ATXN1: variants seen among roughly 807,000 people sequenced by gnomAD.
ATXN1 encodes ataxin 1.
ATXN1 carries 8 observed loss-of-function variants against 56.4 expected under a neutral mutation model. The ratio of observed to expected loss-of-function variants is 0.14; its 90% CI spans 0.08 to 0.26. The LOEUF is 0.26. ATXN1 is among the 10% of genes least tolerant of loss of function. ATXN1 has a pLI of 1.00. For synonymous variants in ATXN1, 514 were observed against 494.6 expected, an observed-to-expected ratio of 1.04 and a Z score of -0.52; for missense variants, 987 against 1,106.5, an observed-to-expected ratio of 0.89 and a Z score of 1.53.
chr6:16,638,413 T>G (rs964859203), intron 3 of ATXN1, among the ~76,000 whole-genome samples: 1 of 134,452 alleles, frequency 7.4e-6, no homozygotes, highest in Non-Finnish European at 1.5e-5. Flanking sequence ...AACACTGCAA[T>G]CCAGCCTGGA....
intron 6 of ATXN1, among the ~76,000 whole-genome samples, chr6:16,341,214 T>C (rs1761238601): frequency 6.6e-6 from 1 of 152,346 alleles, no homozygotes; most frequent in Admixed American, 6.5e-5. Flanking sequence ...GGGACACTAC[T>C]GGTTTCACTG....
chr6:16,379,177 A>G (rs184799475), intron 6 of ATXN1, among the ~76,000 whole-genome samples: 25 of 152,336 alleles, frequency 1.6e-4, no homozygotes, highest in African/African-American at 4.3e-4. Flanking sequence ...ACCAAACATC[A>G]TATGTTCTCA....
chr6:16,448,898 A>G (rs2035571209), intron 6 of ATXN1, among the ~76,000 whole-genome samples: 1 of 152,202 alleles, frequency 6.6e-6, no homozygotes, highest in South Asian at 2.1e-4. Context: ...CTACATCTTC[A>G]AGATTTGCCA....
chr6:16,450,788 C>T (rs576312090), intron 6 of ATXN1, among the ~76,000 whole-genome samples: 5 of 152,280 alleles, frequency 3.3e-5, no homozygotes, highest in African/African-American at 1.2e-4. Context: ...TGGGAAAGGA[C>T]CTTCTAGGTG....
intron 5 of ATXN1, among the ~76,000 whole-genome samples, chr6:16,497,789 G>T (rs1254308413): frequency 2.0e-5 from 3 of 152,264 alleles, no homozygotes; most frequent in African/African-American, 7.2e-5. Flanking sequence ...TTCCAGGTCA[G>T]GTGTAGAATC....
intron 6 of ATXN1, among the ~76,000 whole-genome samples, chr6:16,393,285 CT>C (rs1324816902): frequency 6.6e-6 from 1 of 151,766 alleles, no homozygotes; most frequent in African/African-American, 2.4e-5. Context: ...GAGACAGGGT[CT>C]TTCTGGGTTA....
At chr6:16,431,079 T>C (rs1382079677) in intron 6 of ATXN1, among the ~76,000 whole-genome samples, 1 of 152,044 alleles carries the variant, frequency 6.6e-6, no homozygotes, top group African/African-American at 2.4e-5. Flanking sequence ...GCAGCCCGCC[T>C]CCATGTTTTC....
chr6:16,402,783 G>A (rs1412805276), intron 6 of ATXN1, among the ~76,000 whole-genome samples: 2 of 152,186 alleles, frequency 1.3e-5, no homozygotes, highest in Non-Finnish European at 2.9e-5. Flanking sequence ...TTGTCTCACT[G>A]TTGCAGAAAA....
intron 6 of ATXN1, among the ~76,000 whole-genome samples, chr6:16,454,035 TCAGA>T (rs996929288): frequency 4.3e-4 from 60 of 140,648 alleles, no homozygotes; most frequent in African/African-American, 1.6e-3. Flanking sequence ...TTCCAGCTAC[TCAGA>T]CAATCGCTTG....
In ATXN1 at chr6:16,614,751, C is replaced by T. The variant is rs149564996; in HGVS notation, c.-488-28844G>A. Among the ~76,000 whole-genome samples the T allele has an allele frequency of 1.5e-3, 234 of 151,376 alleles. 3 individuals carry two copies. The highest frequency in any genetic ancestry group is 5.6e-3 in the African/African-American group (230 of 41,126). ...CAGCCTGGCGAACATGGTGAAACTC[C>T]GTCTCTACTAAAAATACAAAAATTA... On this transcript the variant is annotated intron_variant, in intron 3 of 7. Transcript: ENST00000436367.
chr6:16,512,082 T>C (rs951856311), intron 5 of ATXN1, among the ~76,000 whole-genome samples: 5 of 152,210 alleles, frequency 3.3e-5, no homozygotes, highest in African/African-American at 9.6e-5. Flanking sequence ...CAGGTGTTAG[T>C]TGGCAACAGA....
chr6:16,440,480 A>G (rs1421502761), intron 6 of ATXN1, among the ~76,000 whole-genome samples: 1 of 151,616 alleles, frequency 6.6e-6, no homozygotes, highest in Non-Finnish European at 1.5e-5. Flanking sequence ...TGAAGACCAA[A>G]TAAGAAGGAA....
intron 5 of ATXN1, among the ~76,000 whole-genome samples, chr6:16,499,821 C>T (rs1760849244): frequency 6.6e-6 from 1 of 152,202 alleles, no homozygotes; most frequent in Non-Finnish European, 1.5e-5. Context: ...ATCATCAATT[C>T]AGCCAATGCA....
intron 1 of ATXN1, among the ~76,000 whole-genome samples, chr6:16,757,943 C>T (rs1393162769): frequency 6.6e-6 from 1 of 152,138 alleles, no homozygotes; most frequent in Non-Finnish European, 1.5e-5. Context: ...TAAATTACAT[C>T]CTAAAATAAA....
rs1468697556 is a variant in ATXN1, at chr6:16,410,587, A to C, written c.-161+75385T>G. ...AACATATCATTCCCTTCCCTACATAAAGATAATATGCAAAAAATCCAAAAG... is the reference window on the plus strand; with the variant it reads ...AACATATCATTCCCTTCCCTACATACAGATAATATGCAAAAAATCCAAAAG... On this transcript the variant is annotated intron_variant, in intron 6 of 7. Transcript: ENST00000436367. This position sits in a 1 kb window ranked among gnomAD's most constrained non-coding sequence, Gnocchi z 4.6. Among the ~76,000 whole-genome samples, 1 of 152,236 alleles carries C rather than the reference A, an allele frequency of 6.6e-6. No individual in the cohort carries two copies. Among genetic ancestry groups the C allele is most frequent in the East Asian group, 1.9e-4 (1 of 5,202 alleles).
At chr6:16,350,294 T>C (rs1761538650) in intron 6 of ATXN1, among the ~76,000 whole-genome samples, 1 of 152,244 alleles carries the variant, frequency 6.6e-6, no homozygotes, top group Non-Finnish European at 1.5e-5. Context: ...CAAAAGATTG[T>C]TGAGATGAAA....
intron 7 of ATXN1, among the ~76,000 whole-genome samples, chr6:16,308,348 AC>A (rs1760308002): frequency 6.6e-6 from 1 of 151,812 alleles, no homozygotes; most frequent in Non-Finnish European, 1.5e-5. Flanking sequence ...ACACACACAC[AC>A]ACACACACAC....
intron 4 of ATXN1, among the ~76,000 whole-genome samples, chr6:16,559,466 T>A (rs191538122): frequency 6.6e-6 from 1 of 152,196 alleles, no homozygotes; most frequent in Non-Finnish European, 1.5e-5. Flanking sequence ...AGAATAAGGC[T>A]GTTCTATGTT....
intron 2 of ATXN1, among the ~76,000 whole-genome samples, chr6:16,742,150 C>A (rs1299348220): frequency 1.3e-5 from 2 of 152,094 alleles, no homozygotes; most frequent in Middle Eastern, 3.4e-3. Flanking sequence ...TCTTATGGGT[C>A]TATGACCACT....
Sources: gnomAD v4.1 joint callset for allele counts (sites outside exome capture counted in the v4.1 genomes callset) on GRCh38, gnomAD v4.1.1 for gene constraint, Gnocchi (gnomAD v3.1) non-coding constraint, MANE v1.5 for transcripts, NCBI Gene and HGNC (gene_info 2026-07-23, HGNC 2026-07-21) for gene names.